Variants in ENOX1 observed in about 807,000 individuals in gnomAD.
The protein encoded by ENOX1 is ecto-NOX disulfide-thiol exchanger 1, also known as candidate growth-related and time keeping constitutive hydroquinone (NADH) oxidase.
In ENOX1, 42 loss-of-function variants were observed where a neutral mutation model predicts 82.5. That is an observed-to-expected ratio of 0.51 (90% CI 0.40 to 0.66). The LOEUF (loss-of-function observed/expected upper bound fraction) is 0.66, where lower values mean the gene tolerates loss of function less well. Ranked by LOEUF, ENOX1 falls within the 30% of genes least tolerant of loss-of-function variation. ENOX1 has a pLI of 0.00. For missense variants in ENOX1, 608 were observed against 811.6 expected, an observed-to-expected ratio of 0.75 and a Z score of 3.05; for synonymous variants, 271 against 282.2, an observed-to-expected ratio of 0.96 and a Z score of 0.40.
chr13:43,551,106 C>T (rs1282111603), intron 2 of ENOX1, among the ~76,000 whole-genome samples: 1 of 152,072 alleles, frequency 6.6e-6, no homozygotes, highest in Non-Finnish European at 1.5e-5. Flanking sequence ...CTTAACTTCA[C>T]TGGGATTTTT....
chr13:43,691,074 C>T lies in ENOX1; in HGVS notation c.-284-23530G>A, dbSNP rs554396829. 9.2e-5 allele frequency among the ~76,000 whole-genome samples: 14 copies of T among 152,308 alleles called. No individual in the cohort carries two copies. In the South Asian group the frequency reaches 1.2e-3, roughly 14 times the overall value. ...ACTTTGTTTAGTCAGATCCTTCTCTCATCTCTGCCATTCTTCTAAAGCCAC... is the reference window on the plus strand; with the variant it reads ...ACTTTGTTTAGTCAGATCCTTCTCTTATCTCTGCCATTCTTCTAAAGCCAC... On this transcript the variant is annotated intron_variant, in intron 1 of 16. Coordinates refer to ENST00000690772, the MANE Select transcript of ENOX1 (RefSeq NM_001347969.2).
intron 2 of ENOX1, among the ~76,000 whole-genome samples, chr13:43,484,597 G>T (rs2076350238): frequency 6.6e-6 from 1 of 152,168 alleles, no homozygotes; most frequent in Non-Finnish European, 1.5e-5. Flanking sequence ...CTCAGGCTTA[G>T]AACCTGTAAC....
intron 5 of ENOX1, among the ~76,000 whole-genome samples, chr13:43,378,113 T>A (rs2051770212): frequency 6.6e-6 from 1 of 152,188 alleles, no homozygotes; most frequent in Non-Finnish European, 1.5e-5. Context: ...AAAAGCCAGA[T>A]AAAGTATATG....
chr13:43,754,349 A>T (rs1047160311), intron 1 of ENOX1, among the ~76,000 whole-genome samples: 12 of 129,180 alleles, frequency 9.3e-5, no homozygotes, highest in East Asian at 2.0e-4. Context: ...TATTATTATT[A>T]TTTATTTTTT....
At chr13:43,682,436 G>A (rs1253009853) in intron 1 of ENOX1, among the ~76,000 whole-genome samples, 1 of 152,106 alleles carries the variant, frequency 6.6e-6, no homozygotes, top group African/African-American at 2.4e-5. Context: ...CTAGAACCAT[G>A]CTTGGTAAGT....
intron 2 of ENOX1, among the ~76,000 whole-genome samples, chr13:43,631,807 A>T (rs1411692406): frequency 2.0e-5 from 3 of 152,114 alleles, no homozygotes; most frequent in Non-Finnish European, 2.9e-5. Flanking sequence ...TGTTGCTGTC[A>T]TTAAGGCATT....
intron 11 of ENOX1, among the ~76,000 whole-genome samples, chr13:43,304,817 T>C (rs2046773023): frequency 6.6e-6 from 1 of 152,130 alleles, no homozygotes; most frequent in South Asian, 2.1e-4. Flanking sequence ...TAATAATGCT[T>C]TATTGAGAGA....
At chr13:43,734,198 TG>T (rs1358993137) in intron 1 of ENOX1, among the ~76,000 whole-genome samples, 1 of 140,356 alleles carries the variant, frequency 7.1e-6, no homozygotes, top group African/African-American at 2.8e-5. Context: ...ATTTTGTTGT[TG>T]GTTGTTGTTG....
intron 5 of ENOX1, among the ~76,000 whole-genome samples, chr13:43,403,862 AAAG>A (rs1441181369): frequency 6.6e-6 from 1 of 152,108 alleles, no homozygotes; most frequent in Non-Finnish European, 1.5e-5. Flanking sequence ...AAATAAATAA[AAAG>A]AAAGAAAAAG....
chr13:43,314,097 A>C (rs1403610630), intron 11 of ENOX1, among the ~76,000 whole-genome samples: 4 of 152,206 alleles, frequency 2.6e-5, no homozygotes, highest in African/African-American at 9.6e-5. Flanking sequence ...ATGGGAGTCT[A>C]AAATAAAATT....
intron 13 of ENOX1, among the ~76,000 whole-genome samples, chr13:43,265,955 C>T (rs942928977): frequency 2.0e-5 from 3 of 152,198 alleles, no homozygotes; most frequent in African/African-American, 4.8e-5. Context: ...GGACTAAAGA[C>T]GGTTGCTTCT....
At chr13:43,231,196 G>T (rs1200106194) in intron 15 of ENOX1, among the ~76,000 whole-genome samples, 1 of 152,180 alleles carries the variant, frequency 6.6e-6, no homozygotes, top group Admixed American at 6.5e-5. Context: ...CCATAAACCA[G>T]CCTGAAATAG....
chr13:43,596,601 T>C, intron 2 of ENOX1, among the ~76,000 whole-genome samples: 1 of 152,246 alleles, frequency 6.6e-6, no homozygotes, highest in Non-Finnish European at 1.5e-5. Context: ...TTTTTTTCTA[T>C]AAAGCAGCAT....
intron 2 of ENOX1, among the ~76,000 whole-genome samples, chr13:43,530,922 G>T (rs1484729384): frequency 6.6e-6 from 1 of 151,924 alleles, no homozygotes; most frequent in Non-Finnish European, 1.5e-5. Flanking sequence ...TCAGTAATAG[G>T]AGTGTTAGTA....
Position 43,311,100 on chromosome 13 carries a change from TCTGAGG to T in ENOX1, c.1261+11278_1261+11283del, listed in dbSNP as rs2047176119. ...GATACTTTGGGGACTACTGGGTGTG[TCTGAGG>T]CACAGTCACCCTGAGAGACACACTC... On this transcript the variant is annotated intron_variant, in intron 11 of 16. Transcript: ENST00000690772. 2.0e-5 allele frequency among the ~76,000 whole-genome samples: 3 copies of T among 151,868 alleles called. No homozygotes were observed. The South Asian group carries it at 6.2e-4, about 32-fold the overall frequency.
intron 3 of ENOX1, among the ~76,000 whole-genome samples, chr13:43,479,473 T>C (rs985371034): frequency 1.3e-5 from 2 of 152,192 alleles, no homozygotes; most frequent in Non-Finnish European, 2.9e-5. Flanking sequence ...TGTCTCCATC[T>C]CCATATCCAA....
chr13:43,372,887 C>T (rs542508394), intron 5 of ENOX1, among the ~76,000 whole-genome samples: 2 of 151,976 alleles, frequency 1.3e-5, no homozygotes, highest in East Asian at 1.9e-4. Flanking sequence ...GAGGGACCGT[C>T]CGAGTTCTAG....
chr13:43,412,905 C>A lies in ENOX1; in HGVS notation c.10G>T (p.Ala4Ser). The change falls in exon 4 of 17, where the codon GCA (alanine) becomes TCA (serine). Residue 4 changes from alanine (A) to serine (S), a missense_variant. Ala to Ser is a moderately conservative substitution (Grantham distance 99). Transcript: ENST00000690772. ...TGGGTGATGTTCTCAACTCCACCTG[C>A]ATCTACCATTGAATTATGAGTGTCC... MVD[A>S]GGVENITQLP... 1 of 1,614,022 alleles carries A rather than the reference C, an allele frequency of 6.2e-7. No homozygotes were observed. The highest frequency in any genetic ancestry group is 1.1e-5 in the South Asian group (1 of 91,064).
At chr13:43,588,249 C>T (rs920732994) in intron 2 of ENOX1, among the ~76,000 whole-genome samples, 2 of 152,136 alleles carry the variant, frequency 1.3e-5, no homozygotes, top group Non-Finnish European at 2.9e-5. Context: ...ACAGATTGAA[C>T]ATTATCTTAT....
Sources: gnomAD v4.1 joint callset for allele counts (sites outside exome capture counted in the v4.1 genomes callset) on GRCh38, gnomAD v4.1.1 for gene constraint, MANE v1.5 for transcripts, NCBI Gene and HGNC (gene_info 2026-07-23, HGNC 2026-07-21) for gene names.